Variants in ATP6V0E1 observed in about 807,000 individuals in gnomAD.
ATP6V0E1 encodes ATPase H+ transporting V0 subunit e1.
ATP6V0E1 carries 4 observed loss-of-function variants against 11.6 expected under a neutral mutation model. That is an observed-to-expected ratio of 0.35 (90% CI 0.17 to 0.79). The LOEUF is 0.79. Among genes scored for constraint, ATP6V0E1 ranks in the 30% least tolerant of loss-of-function variants. The pLI, the probability that ATP6V0E1 is intolerant of heterozygous loss-of-function variation, is 0.54. For missense variants in ATP6V0E1, 105 were observed against 100.0 expected, an observed-to-expected ratio of 1.05 and a Z score of -0.21; for synonymous variants, 36 against 34.8, an observed-to-expected ratio of 1.04 and a Z score of -0.13.
chr5:173,028,476 G>A (rs577776259), intron 3 of ATP6V0E1, among the ~76,000 whole-genome samples: 1 of 152,314 alleles, frequency 6.6e-6, no homozygotes, highest in East Asian at 1.9e-4. Context: ...CTTTTAAGAG[G>A]CCAGATTTGG....
At chr5:172,989,482 C>T (rs755186499) in intron 1 of ATP6V0E1, among the ~76,000 whole-genome samples, 3 of 152,134 alleles carry the variant, frequency 2.0e-5, no homozygotes, top group Non-Finnish European at 2.9e-5. Context: ...GTGTTTCTCT[C>T]CCTTCTTTCC....
chr5:172,991,037 T>A (rs1755971356), intron 1 of ATP6V0E1, among the ~76,000 whole-genome samples: 1 of 152,040 alleles, frequency 6.6e-6, no homozygotes, highest in Non-Finnish European at 1.5e-5. Flanking sequence ...CACTACAGCC[T>A]TGATATCCTG....
At chr5:173,018,898 C>G (rs765052248) in intron 2 of ATP6V0E1, among the ~76,000 whole-genome samples, 4 of 151,528 alleles carry the variant, frequency 2.6e-5, no homozygotes, top group Non-Finnish European at 4.4e-5. Context: ...TATATAAGAC[C>G]CTTTATACAG....
At chr5:172,997,478 C>G (rs573552234) in intron 2 of ATP6V0E1, among the ~76,000 whole-genome samples, 12 of 152,034 alleles carry the variant, frequency 7.9e-5, no homozygotes, top group African/African-American at 2.9e-4. Flanking sequence ...AAATCTGTTA[C>G]TCCTAAAATA....
chr5:173,024,660 C>A (rs1003458097), intron 3 of ATP6V0E1, among the ~76,000 whole-genome samples: 1 of 151,998 alleles, frequency 6.6e-6, no homozygotes, highest in Non-Finnish European at 1.5e-5. Flanking sequence ...GAATCACGAT[C>A]GGAGTGCTAG....
chr5:173,031,858 A>C (rs1756664526), intron 3 of ATP6V0E1, among the ~76,000 whole-genome samples: 1 of 150,550 alleles, frequency 6.6e-6, no homozygotes, highest in Non-Finnish European at 1.5e-5. Flanking sequence ...ATTTACTCCA[A>C]AATCAGCCGG....
chr5:172,990,148 A>C (rs773344242), intron 1 of ATP6V0E1, among the ~76,000 whole-genome samples: 1 of 152,092 alleles, frequency 6.6e-6, no homozygotes, highest in Non-Finnish European at 1.5e-5. Context: ...GGAAAAACTT[A>C]TGAATCTTTT....
chr5:172,989,531 T>G (rs913828007), intron 1 of ATP6V0E1, among the ~76,000 whole-genome samples: 15 of 125,790 alleles, frequency 1.2e-4, no homozygotes, highest in African/African-American at 6.7e-4. Context: ...TTACTGAAGA[T>G]TTTTTTTTTT....
At chr5:173,025,504 CTTTTTT>C (rs60822937) in intron 3 of ATP6V0E1, among the ~76,000 whole-genome samples, 1,499 of 65,494 alleles carry the variant, frequency 0.023, 16 homozygotes, top group African/African-American at 0.099. Flanking sequence ...ATATAAAATA[CTTTTTT>C]TTTTTTTTTT....
intron 1 of ATP6V0E1, among the ~76,000 whole-genome samples, chr5:172,989,980 C>T (rs1755956800): frequency 6.6e-6 from 1 of 152,076 alleles, no homozygotes; most frequent in Non-Finnish European, 1.5e-5. Context: ...GGACAACAGG[C>T]ATGCACCACC....
At chr5:173,030,996 G>C (rs906639464) in intron 3 of ATP6V0E1, among the ~76,000 whole-genome samples, 4 of 151,636 alleles carry the variant, frequency 2.6e-5, no homozygotes, top group Non-Finnish European at 4.4e-5. Flanking sequence ...CCAGACTGGA[G>C]TGCAGTGGTG....
chr5:173,000,892 G>T (rs1241149111), intron 2 of ATP6V0E1, among the ~76,000 whole-genome samples: 1 of 151,980 alleles, frequency 6.6e-6, no homozygotes, highest in Non-Finnish European at 1.5e-5. Context: ...GTAAAGACAG[G>T]GTGTCACCTT....
intron 2 of ATP6V0E1, among the ~76,000 whole-genome samples, chr5:173,006,781 C>A (rs547215164): frequency 4.3e-4 from 65 of 152,230 alleles, no homozygotes; most frequent in African/African-American, 1.4e-3. Flanking sequence ...CTCTGAGTAC[C>A]TGCCTTCATT....
chr5:173,018,560 T>G (rs1229051640), intron 2 of ATP6V0E1, among the ~76,000 whole-genome samples: 1 of 152,192 alleles, frequency 6.6e-6, no homozygotes, highest in Non-Finnish European at 1.5e-5. Flanking sequence ...GTATTCTGCT[T>G]CATTCCCCTG....
At chr5:172,986,760 G>T in intron 1 of ATP6V0E1, 1 of 443,096 alleles carries the variant, frequency 2.3e-6, no homozygotes, top group Non-Finnish European at 4.5e-6. Flanking sequence ...GGGAAGATAA[G>T]GTTGGTTTTT....
intron 3 of ATP6V0E1, 133 bp downstream of exon 3, chr5:173,020,500 C>A: frequency 1.7e-6 from 1 of 605,540 alleles, no homozygotes; most frequent in South Asian, 2.0e-5. Context: ...ATCTGAAGAG[C>A]AGAAATAAAA....
At chr5:172,997,257 C>T (rs1756079526) in intron 2 of ATP6V0E1, among the ~76,000 whole-genome samples, 1 of 152,126 alleles carries the variant, frequency 6.6e-6, no homozygotes, top group Non-Finnish European at 1.5e-5. Context: ...TTGGGTTTTT[C>T]CTGCCTTCAA....
chr5:173,013,823 A>G, intron 2 of ATP6V0E1, among the ~76,000 whole-genome samples: 2 of 152,166 alleles, frequency 1.3e-5, no homozygotes. Flanking sequence ...CTACAATGAG[A>G]TATCATCTCA....
Position 172,983,971 on chromosome 5 carries a change from G to A in ATP6V0E1, c.104+7G>A, listed in dbSNP as rs757593136. ...CTAAGGGTCCTAACCGGGGGTAAGT[G>A]CGTGAGGCCCGCCTTGGGAGGAACG... On this transcript the variant is annotated splice_region_variant and intron_variant, in intron 1 of 3. Coordinates refer to ENST00000519374, the MANE Select transcript of ATP6V0E1 (RefSeq NM_003945.4). 1 of 1,611,848 alleles carries A rather than the reference G, an allele frequency of 6.2e-7. No homozygotes were observed. Among genetic ancestry groups the A allele is most frequent in the Admixed American group, 1.7e-5 (1 of 60,016 alleles).
Sources: gnomAD v4.1 joint callset for allele counts (sites outside exome capture counted in the v4.1 genomes callset) on GRCh38, gnomAD v4.1.1 for gene constraint, MANE v1.5 for transcripts, NCBI Gene and HGNC (gene_info 2026-07-23, HGNC 2026-07-21) for gene names.